The following NGEF variants were observed in gnomAD, a reference collection of about 807,000 sequenced individuals.
The protein encoded by NGEF is neuronal guanine nucleotide exchange factor.
In NGEF, 31 loss-of-function variants were observed where a neutral mutation model predicts 80.9. The ratio of observed to expected loss-of-function variants is 0.38; its 90% confidence interval spans 0.29 to 0.52. The LOEUF is 0.52. Ranked by LOEUF, NGEF falls within the 20% of genes least tolerant of loss-of-function variation. The pLI, the probability that NGEF is intolerant of heterozygous loss-of-function variation, is 0.84. For missense variants in NGEF, 709 were observed against 926.2 expected (o/e 0.77, Z 3.04); for synonymous variants, 371 against 370.2 (o/e 1.00, Z -0.03).
intron 5 of NGEF, among the ~76,000 whole-genome samples, chr2:232,910,323 C>T (rs1030076120): frequency 2.0e-5 from 3 of 152,094 alleles, no homozygotes; most frequent in Non-Finnish European, 2.9e-5. Context: ...ACAAGGAGCG[C>T]ACAACCTAGA....
At chr2:232,997,129 A>T (rs933607779) in intron 1 of NGEF, among the ~76,000 whole-genome samples, 2 of 136,318 alleles carry the variant, frequency 1.5e-5, no homozygotes, top group African/African-American at 5.1e-5. Context: ...AGTGGTTCTC[A>T]CTCCGGCACT....
At chr2:232,929,033 A>C (rs1036447512) in intron 3 of NGEF, among the ~76,000 whole-genome samples, 1 of 152,098 alleles carries the variant, frequency 6.6e-6, no homozygotes, top group African/African-American at 2.4e-5. Flanking sequence ...TACCCTCGCG[A>C]AGGCCCCTGG....
chr2:232,893,436 T>A (rs1403034105), intron 6 of NGEF, among the ~76,000 whole-genome samples: 1 of 152,322 alleles, frequency 6.6e-6, no homozygotes, highest in Non-Finnish European at 1.5e-5. Context: ...TACCTCTGCA[T>A]GTTTGGAATT....
chr2:232,994,189 G>A (rs1407676525), intron 1 of NGEF, among the ~76,000 whole-genome samples: 1 of 152,020 alleles, frequency 6.6e-6, no homozygotes, highest in Non-Finnish European at 1.5e-5. Flanking sequence ...GGCCAACATG[G>A]TGAAACCCCA....
Position 232,879,609 on chromosome 2 carries a change from G to A in NGEF, c.2013C>T (p.Ile671=). The change falls in exon 15 of 15, where the codon ATC becomes ATT. Residue 671 remains isoleucine, a synonymous_variant. Transcript: ENST00000264051. The stretch of plus-strand genomic sequence containing the variant: ...TCTGGGACCGGATCTTGGGATTCAA[G>A]ATCTCCTCAGTCATGGAGCTGGGGA... The part of the protein sequence containing the change: ...GWFPSSMTEE[I]LNPKIRSQNL... The A allele has an allele frequency of 6.2e-7, 1 of 1,613,742 alleles. No homozygotes were observed. The highest frequency in any genetic ancestry group is 2.2e-5 in the East Asian group (1 of 44,880).
chr2:232,913,183 G>A (rs147968703), intron 5 of NGEF, among the ~76,000 whole-genome samples: 7 of 152,182 alleles, frequency 4.6e-5, no homozygotes, highest in African/African-American at 1.7e-4. Context: ...CACTTGGTAT[G>A]CTGCGGATTC....
At chr2:232,928,260 CGCCCGGGCTGGG>C in intron 3 of NGEF, 1 of 753,572 alleles carries the variant, frequency 1.3e-6, no homozygotes, top group Non-Finnish European at 1.6e-6. Flanking sequence ...GGGGCGGGGG[CGCCCGGGCTGGG>C]CGCGACCCGG....
chr2:233,002,904 G>A (rs1057045355), intron 1 of NGEF, among the ~76,000 whole-genome samples: 2 of 152,142 alleles, frequency 1.3e-5, no homozygotes, highest in Non-Finnish European at 2.9e-5. Context: ...GGGCCCAGGC[G>A]TCACTGTGAC....
At chr2:232,902,973 G>A (rs1339531170) in intron 5 of NGEF, among the ~76,000 whole-genome samples, 1 of 151,156 alleles carries the variant, frequency 6.6e-6, no homozygotes, top group Admixed American at 6.6e-5. Flanking sequence ...CAGCATAAGT[G>A]ACAGAGTGAG....
At chr2:232,998,182 C>A (rs1298551337) in intron 1 of NGEF, among the ~76,000 whole-genome samples, 1 of 152,094 alleles carries the variant, frequency 6.6e-6, no homozygotes, top group Non-Finnish European at 1.5e-5. Flanking sequence ...GAGATAGGCC[C>A]TTTCCATTGA....
rs956384030 is a variant in NGEF at position 232,885,360 on chromosome 2, C to A, written c.1357G>T (p.Ala453Ser). Residue 453 changes from alanine to serine, a missense_variant, in exon 10 of 15, where the codon GCA (alanine) becomes TCA (serine). Transcript: ENST00000264051. ...AHKELEMVVK[A>S]CNEGVRKMSR... ...ATTTTCCTGACGCCCTCGTTGCATG[C>A]CTTCACCACCTGGGACAAGAAGGAG... The A allele has an allele frequency of 6.2e-7, 1 of 1,614,062 alleles. No individual in the cohort carries two copies. Among genetic ancestry groups the A allele is most frequent in the Non-Finnish European group, 8.5e-7 (1 of 1,179,972 alleles).
At chr2:232,909,702 A>G (rs1281913453) in intron 5 of NGEF, among the ~76,000 whole-genome samples, 1 of 152,036 alleles carries the variant, frequency 6.6e-6, no homozygotes, top group Non-Finnish European at 1.5e-5. Flanking sequence ...CAACCCCCTC[A>G]GCCATCCCGT....
chr2:232,911,096 CTA>C (rs1412383418), intron 5 of NGEF, among the ~76,000 whole-genome samples: 3 of 152,104 alleles, frequency 2.0e-5, no homozygotes, highest in Non-Finnish European at 4.4e-5. Flanking sequence ...AGGTTTTCTC[CTA>C]TGTTTTCCTC....
intron 1 of NGEF, among the ~76,000 whole-genome samples, chr2:232,976,922 G>A (rs929531041): frequency 6.6e-6 from 1 of 152,168 alleles, no homozygotes; most frequent in African/African-American, 2.4e-5. Flanking sequence ...AGAAAGCAAC[G>A]CTGCTATTTC....
At chr2:232,945,236 T>A (rs1574628534) in intron 3 of NGEF, among the ~76,000 whole-genome samples, 1 of 152,174 alleles carries the variant, frequency 6.6e-6, no homozygotes, top group African/African-American at 2.4e-5. Context: ...AACATAGTAC[T>A]TTATTTTTAT....
intron 1 of NGEF, among the ~76,000 whole-genome samples, chr2:232,981,440 T>C (rs1456369264): frequency 1.3e-5 from 2 of 152,086 alleles, no homozygotes; most frequent in Non-Finnish European, 2.9e-5. Flanking sequence ...AGCCTCTGAC[T>C]CCAAGAGTCT....
At chr2:233,001,061 C>T (rs6743859) in intron 1 of NGEF, among the ~76,000 whole-genome samples, 32,378 of 152,060 alleles carry the variant, frequency 0.21, 3,887 homozygotes, top group Non-Finnish European at 0.27. Flanking sequence ...GAGGGGGCTT[C>T]CCCCCATCCT....
chr2:232,925,534 A>C (rs1159848782), intron 4 of NGEF, among the ~76,000 whole-genome samples: 1 of 152,088 alleles, frequency 6.6e-6, no homozygotes, highest in Non-Finnish European at 1.5e-5. Flanking sequence ...AGAGCTCGGG[A>C]CCCTGCCAGC....
chr2:232,986,341 C>G (rs1344526904), intron 1 of NGEF, among the ~76,000 whole-genome samples: 2 of 152,070 alleles, frequency 1.3e-5, no homozygotes, highest in Admixed American at 6.5e-5. Context: ...ACCATGTGAC[C>G]CAGCAACCCC....
Sources: allele counts gnomAD v4.1 joint callset (sites outside exome capture counted in the v4.1 genomes callset), GRCh38; gene constraint gnomAD v4.1.1; transcripts MANE v1.5; gene names NCBI Gene and HGNC (gene_info 2026-07-23, HGNC 2026-07-21).